RCOR1: variants seen among roughly 807,000 people sequenced by gnomAD.
The protein encoded by RCOR1 is REST corepressor.
In RCOR1, 12 loss-of-function variants were observed where a neutral mutation model predicts 64.0. The ratio of observed to expected loss-of-function variants is 0.19; its 90% CI spans 0.12 to 0.30. RCOR1 has a LOEUF of 0.30. Among genes scored for constraint, RCOR1 ranks in the 10% least tolerant of loss-of-function variants. The pLI is 1.00. For synonymous variants in RCOR1, 279 were observed against 227.2 expected (o/e 1.23, Z -2.05); for missense variants, 502 against 621.2 (o/e 0.81, Z 2.04).
intron 2 of RCOR1, among the ~76,000 whole-genome samples, chr14:102,667,200 C>G (rs754092453): frequency 1.1e-4 from 16 of 151,820 alleles, no homozygotes; most frequent in African/African-American, 3.6e-4. Context: ...GACCTTGTTT[C>G]TTAAAAAAAT....
intron 2 of RCOR1, chr14:102,657,669 C>G (rs1480582637): frequency 6.5e-6 from 3 of 459,702 alleles, no homozygotes; most frequent in Non-Finnish European, 8.6e-6. Context: ...GAAACCCTGT[C>G]TGTAGTAAAA....
chr14:102,627,650 C>G (rs540422056), intron 2 of RCOR1, among the ~76,000 whole-genome samples: 15 of 149,880 alleles, frequency 1.0e-4, no homozygotes, highest in Non-Finnish European at 1.9e-4. Context: ...GAGTGAGACT[C>G]TGTCTTAAAA....
At chr14:102,662,606 G>A (rs746410370) in intron 2 of RCOR1, 6 of 448,078 alleles carry the variant, frequency 1.3e-5, no homozygotes, top group South Asian at 8.9e-5. Flanking sequence ...TTTTTTTTCC[G>A]GCTGTGGACG....
At chr14:102,680,456 A>C (rs1026135237) in intron 2 of RCOR1, among the ~76,000 whole-genome samples, 1 of 152,062 alleles carries the variant, frequency 6.6e-6, no homozygotes, top group Non-Finnish European at 1.5e-5. Flanking sequence ...CTTTTGTTTT[A>C]GATTCTTTGT....
chr14:102,709,376 A>T (rs1450673157), intron 6 of RCOR1, among the ~76,000 whole-genome samples: 2 of 152,164 alleles, frequency 1.3e-5, no homozygotes, highest in East Asian at 3.8e-4. Context: ...GGGTGGTGAG[A>T]TATATAGGTG....
chr14:102,721,109 A>G (rs749333150), intron 9 of RCOR1, 25 bp downstream of exon 9: 2 of 1,378,654 alleles, frequency 1.5e-6, no homozygotes, highest in Non-Finnish European at 2.0e-6. Flanking sequence ...ACATCATCTT[A>G]GAAGTCATAT....
chr14:102,676,375 G>C, intron 2 of RCOR1, among the ~76,000 whole-genome samples: 1 of 143,792 alleles, frequency 7.0e-6, no homozygotes, highest in African/African-American at 2.7e-5. Flanking sequence ...CGGGGCGGCT[G>C]GCCGGGCAGA....
At chr14:102,629,356 T>C (rs1436826034) in intron 2 of RCOR1, among the ~76,000 whole-genome samples, 2 of 152,292 alleles carry the variant, frequency 1.3e-5, no homozygotes, top group African/African-American at 2.4e-5. Flanking sequence ...TCCTTATTTA[T>C]CTTGTTTATT....
rs373236695 is a variant in RCOR1 at position 102,636,974 on chromosome 14, AAAAAC to A, written c.361+43670_361+43674del. ...TGACAAGAGTGAAACTCTGTTTCAA[AAAAAC>A]AAAACAAAACAAAACAAAACTCTTT... On this transcript the variant is annotated intron_variant, in intron 2 of 11. Transcript: ENST00000262241. 6.2e-3 allele frequency among the ~76,000 whole-genome samples: 944 copies of A among 152,226 alleles called. 6 individuals carry two copies. Among genetic ancestry groups the A allele is most frequent in the South Asian group, 0.029 (138 of 4,822 alleles).
chr14:102,654,143 G>A (rs556961424), intron 2 of RCOR1, among the ~76,000 whole-genome samples: 2 of 151,394 alleles, frequency 1.3e-5, no homozygotes, highest in East Asian at 1.9e-4. Context: ...CTGCCACCAC[G>A]CCTGGCTAAT....
chr14:102,602,560 C>T (rs1243148753), intron 2 of RCOR1, among the ~76,000 whole-genome samples: 2 of 151,886 alleles, frequency 1.3e-5, no homozygotes, highest in Non-Finnish European at 2.9e-5. Flanking sequence ...TGTGCTACCA[C>T]GCCTGGCTAA....
intron 2 of RCOR1, among the ~76,000 whole-genome samples, chr14:102,623,499 C>G (rs1438159822): frequency 6.6e-6 from 1 of 151,696 alleles, no homozygotes; most frequent in East Asian, 1.9e-4. Context: ...AGCTCCGCCT[C>G]CTGGGTTCAC....
At chr14:102,705,301 T>G (rs935657456) in intron 4 of RCOR1, among the ~76,000 whole-genome samples, 14 of 152,208 alleles carry the variant, frequency 9.2e-5, no homozygotes, top group African/African-American at 3.4e-4. Context: ...TTTCACTGGC[T>G]GATTTCCGAA....
intron 2 of RCOR1, among the ~76,000 whole-genome samples, chr14:102,632,100 G>A (rs1362042497): frequency 6.6e-6 from 1 of 150,896 alleles, no homozygotes; most frequent in Non-Finnish European, 1.5e-5. Context: ...GTGAGCCACC[G>A]TGCCGAGCCA....
intron 8 of RCOR1, among the ~76,000 whole-genome samples, chr14:102,719,013 AC>A (rs1310182855): frequency 6.6e-6 from 1 of 151,528 alleles, no homozygotes; most frequent in African/African-American, 2.4e-5. Flanking sequence ...CTGTTCTTGA[AC>A]TCCTGGGCTC....
At chr14:102,596,557 T>G (rs1319544042) in intron 2 of RCOR1, among the ~76,000 whole-genome samples, 2 of 152,074 alleles carry the variant, frequency 1.3e-5, no homozygotes, top group Non-Finnish European at 2.9e-5. Flanking sequence ...CTCCTACTTG[T>G]TTTTTTCTTT....
At chr14:102,616,639 A>C (rs1283781361) in intron 2 of RCOR1, among the ~76,000 whole-genome samples, 6 of 152,034 alleles carry the variant, frequency 3.9e-5, no homozygotes. Flanking sequence ...CCAGGATTGA[A>C]ATGGTCCCTA....
intron 5 of RCOR1, 151 bp downstream of exon 5, chr14:102,707,663 G>A: frequency 1.5e-6 from 1 of 654,096 alleles, no homozygotes. Context: ...ATGCTGCTCT[G>A]TGGATGGGAG....
intron 2 of RCOR1, among the ~76,000 whole-genome samples, chr14:102,613,164 C>T (rs1893668844): frequency 6.6e-6 from 1 of 151,974 alleles, no homozygotes; most frequent in Admixed American, 6.6e-5. Flanking sequence ...TGCAGTGGCA[C>T]AATCTCGGCT....
Sources: allele counts gnomAD v4.1 joint callset (sites outside exome capture counted in the v4.1 genomes callset), GRCh38; gene constraint gnomAD v4.1.1; transcripts MANE v1.5; gene names NCBI Gene and HGNC (gene_info 2026-07-23, HGNC 2026-07-21).